Variants in CSNK2A2 observed in about 807,000 individuals in gnomAD.
The protein encoded by CSNK2A2 is casein kinase 2 alpha 2, also known as casein kinase II subunit alpha'.
A neutral mutation model predicts 54.0 loss-of-function variants in CSNK2A2; 8 were observed. The ratio of observed to expected loss-of-function variants is 0.15; its 90% CI spans 0.09 to 0.27. CSNK2A2 has a LOEUF of 0.27. Ranked by LOEUF, CSNK2A2 falls within the 10% of genes least tolerant of loss-of-function variation. The pLI is 1.00. For synonymous variants in CSNK2A2, 141 were observed against 153.9 expected (o/e 0.92, Z 0.62); for missense variants, 242 against 439.4 (o/e 0.55, Z 4.02).
At chr16:58,191,686 AT>A (rs11406995) in intron 2 of CSNK2A2, among the ~76,000 whole-genome samples, 1 of 151,480 alleles carries the variant, frequency 6.6e-6, no homozygotes, top group Admixed American at 6.6e-5. Flanking sequence ...TTTTAACACA[AT>A]TTTTTTTTAA....
chr16:58,185,478 A>G (rs777857554), intron 3 of CSNK2A2, among the ~76,000 whole-genome samples: 3 of 152,222 alleles, frequency 2.0e-5, no homozygotes, highest in Non-Finnish European at 4.4e-5. Flanking sequence ...AGTTCTGCTA[A>G]CTTAAAAAAA....
intron 10 of CSNK2A2, among the ~76,000 whole-genome samples, chr16:58,165,035 G>A (rs1961527358): frequency 6.6e-6 from 1 of 152,196 alleles, no homozygotes; most frequent in African/African-American, 2.4e-5. Context: ...TACACATGCA[G>A]AAGAATAAGC....
intron 5 of CSNK2A2, among the ~76,000 whole-genome samples, chr16:58,171,715 C>T (rs1046224042): frequency 1.0e-3 from 156 of 151,872 alleles, no homozygotes; most frequent in Middle Eastern, 3.4e-3. Context: ...CTCTATAATA[C>T]GGTAGCCACT....
At chr16:58,188,103 G>A (rs1231891631) in intron 2 of CSNK2A2, among the ~76,000 whole-genome samples, 1 of 152,164 alleles carries the variant, frequency 6.6e-6, no homozygotes, top group Non-Finnish European at 1.5e-5. Flanking sequence ...TTCATCTTTT[G>A]TTGGTCACTA....
At chr16:58,182,367 A>T (rs1198130722) in intron 4 of CSNK2A2, among the ~76,000 whole-genome samples, 2 of 128,290 alleles carry the variant, frequency 1.6e-5, no homozygotes, top group Admixed American at 1.7e-4. Context: ...ATTTCTACTA[A>T]ATATACCAAA....
At position 58,168,614 on chromosome 16, in the gene CSNK2A2, T is replaced by C. The variant is rs1419394704; in HGVS notation, c.509A>G (p.Lys170Arg). The C allele has an allele frequency of 6.2e-7, 1 of 1,613,626 alleles. No individual in the cohort carries two copies. The highest frequency in any genetic ancestry group is 1.1e-5 in the South Asian group (1 of 91,050). Residue 170 changes from lysine to arginine, a missense_variant, in exon 6 of 12, where the codon AAA (lysine) becomes AGA (arginine). Transcript: ENST00000262506. ...PHNVMIDHQQ[K>R]KLRLIDWGLA... is the part of the protein sequence containing the mutation. ...GCTGCCTGGCTGTAATGGTACCTTT[T>C]TCTGTTGGTGATCTATCATGACATT...
chr16:58,183,445 A>AAC (rs1316274707), intron 4 of CSNK2A2, among the ~76,000 whole-genome samples: 3 of 151,946 alleles, frequency 2.0e-5, no homozygotes, highest in South Asian at 2.1e-4. Context: ...TCCTGATACC[A>AAC]ACATCTTTTA....
chr16:58,196,953 C>G (rs563541057), intron 1 of CSNK2A2, 109 bp from the exon 2 acceptor site: 1 of 767,962 alleles, frequency 1.3e-6, no homozygotes, highest in South Asian at 1.4e-5. Context: ...TTGGAAGTGT[C>G]TATACATCAC....
intron 2 of CSNK2A2, among the ~76,000 whole-genome samples, chr16:58,196,062 T>A (rs1208546072): frequency 1.3e-5 from 2 of 152,248 alleles, no homozygotes; most frequent in Admixed American, 1.3e-4. Flanking sequence ...CTTTCTGGAA[T>A]AACATACAGC....
intron 3 of CSNK2A2, among the ~76,000 whole-genome samples, chr16:58,185,043 T>G (rs532873727): frequency 6.6e-6 from 1 of 152,344 alleles, no homozygotes; most frequent in African/African-American, 2.4e-5. Flanking sequence ...TATCATCTTG[T>G]GTAAATCTAG....
rs1213499685 is a variant in CSNK2A2, at chr16:58,163,987, T to G, written c.*17+67A>C. 6.6e-6 allele frequency: 8 copies of G among 1,209,584 alleles called. No individual in the cohort carries two copies. The South Asian group carries it at 1.0e-4, about 16-fold the overall frequency. The allele number at this position is 1,209,584 out of a possible 1,614,324, so 74.9% of individuals were successfully genotyped here. A position where few individuals can be genotyped will look rare whatever the true frequency, so the allele number is the denominator to read the frequency against. On this transcript the variant is annotated intron_variant, in intron 11 of 11. Transcript: ENST00000262506. ...TGATAAGAATTTCTTTTTATCACAC[T>G]GTAGTTTTCCTTCAAGGTTTGTGTT...
chr16:58,182,396 A>AAC (rs1555506379), intron 4 of CSNK2A2, among the ~76,000 whole-genome samples: 3 of 146,250 alleles, frequency 2.1e-5, no homozygotes, highest in Admixed American at 6.8e-5. Context: ...AAAAAAAAAA[A>AAC]AAAAAAAAAC....
Position 58,196,756 on chromosome 16 carries a change from T to C in CSNK2A2, c.193A>G (p.Arg65Gly). ...ACCTTCAGGATTTTTACAACCACTCTCTCATTGTTGGTGATATTAATGGCC... is the reference window on the plus strand; with the variant it reads ...ACCTTCAGGATTTTTACAACCACTCCCTCATTGTTGGTGATATTAATGGCC... The part of the protein sequence containing the change: ...FEAINITNNE[R>G]VVVKILKPVK... The change falls in exon 2 of 12, where the codon AGA becomes GGA. Residue 65 changes from arginine to glycine, a missense_variant. Physicochemically the swap from Arg to Gly is moderately radical, Grantham distance 125. Around this residue, in one of 5 missense-constraint regions of CSNK2A2, gnomAD observed 69 missense variants for 97.0 expected, o/e 0.71. Coordinates refer to ENST00000262506, the MANE Select transcript of CSNK2A2 (RefSeq NM_001896.4). 6.2e-7 allele frequency: 1 copy of C among 1,613,448 alleles called. No homozygotes were observed. The highest frequency in any genetic ancestry group is 1.3e-5 in the African/African-American group (1 of 75,016).
intron 2 of CSNK2A2, among the ~76,000 whole-genome samples, chr16:58,187,814 T>C (rs531810462): frequency 1.3e-5 from 2 of 152,268 alleles, no homozygotes; most frequent in African/African-American, 4.8e-5. Context: ...ACAGAGCCCA[T>C]GGCAGAGAGG....
At chr16:58,196,688 C>T in intron 2 of CSNK2A2, 45 bp downstream of exon 2, 1 of 1,246,450 alleles carries the variant, frequency 8.0e-7, no homozygotes, top group Non-Finnish European at 1.2e-6. Context: ...CAAACTTTTG[C>T]CCTGTGGGGA....
intron 5 of CSNK2A2, among the ~76,000 whole-genome samples, chr16:58,169,782 T>G (rs1597112118): frequency 6.6e-6 from 1 of 151,878 alleles, no homozygotes; most frequent in African/African-American, 2.4e-5. Flanking sequence ...CCAGGCATGG[T>G]GCTCATGCCT....
At chr16:58,189,366 G>A (rs1567472773) in intron 2 of CSNK2A2, among the ~76,000 whole-genome samples, 2 of 152,138 alleles carry the variant, frequency 1.3e-5, no homozygotes. Context: ...AGCAGCTATA[G>A]ATCTATAAGA....
chr16:58,183,940 T>G (rs893473473), intron 4 of CSNK2A2, among the ~76,000 whole-genome samples: 3 of 152,168 alleles, frequency 2.0e-5, no homozygotes, highest in Non-Finnish European at 4.4e-5. Flanking sequence ...CAAAGTAAGA[T>G]TTCGTACAAA....
intron 5 of CSNK2A2, among the ~76,000 whole-genome samples, chr16:58,173,209 G>A (rs1961785619): frequency 6.6e-6 from 1 of 152,132 alleles, no homozygotes; most frequent in Admixed American, 6.5e-5. Flanking sequence ...AATCAAGCTC[G>A]ACCTTTTTCG....
Sources: allele counts gnomAD v4.1 joint callset (sites outside exome capture counted in the v4.1 genomes callset), GRCh38; gene constraint gnomAD v4.1.1; regional missense constraint gnomAD v4.1.1; transcripts MANE v1.5; gene names NCBI Gene and HGNC (gene_info 2026-07-23, HGNC 2026-07-21).